Variants in PTPDC1 observed in about 807,000 individuals in gnomAD.
The protein encoded by PTPDC1 is protein tyrosine phosphatase domain-containing protein 1.
PTPDC1 carries 53 observed loss-of-function variants against 75.3 expected under a neutral mutation model. The ratio of observed to expected loss-of-function variants is 0.70; its 90% CI spans 0.56 to 0.88. PTPDC1 has a LOEUF of 0.88. Ranked by LOEUF, PTPDC1 falls within the 40% of genes least tolerant of loss-of-function variation. The pLI, the probability that PTPDC1 is intolerant of heterozygous loss-of-function variation, is 0.00. For synonymous variants in PTPDC1, 349 were observed against 366.2 expected, an observed-to-expected ratio of 0.95 and a Z score of 0.54; for missense variants, 925 against 998.6, an observed-to-expected ratio of 0.93 and a Z score of 0.99.
At chr9:94,100,236 G>A (rs1417251389) in intron 6 of PTPDC1, 1 of 152,324 alleles carries the variant, frequency 6.6e-6, no homozygotes, top group Admixed American at 6.5e-5. Flanking sequence ...CAGAGTCAGG[G>A]TACAGCACAT....
At chr9:94,083,439 A>G (rs1403547476), upstream of PTPDC1, among the ~76,000 whole-genome samples, 1 of 151,930 alleles carries the variant, frequency 6.6e-6, no homozygotes, top group African/African-American at 2.4e-5. Flanking sequence ...GGAGCTTGGT[A>G]TAGCATTAGT....
intron 2 of PTPDC1, among the ~76,000 whole-genome samples, chr9:94,074,824 A>G (rs1207374236): frequency 6.6e-6 from 1 of 152,160 alleles, no homozygotes; most frequent in African/African-American, 2.4e-5. Flanking sequence ...GTGGACGCCA[A>G]TTGAATGTGG....
At chr9:94,101,535 T>C in intron 6 of PTPDC1, 31 bp from the exon 7 acceptor site, 3 of 1,557,618 alleles carry the variant, frequency 1.9e-6, no homozygotes, top group East Asian at 2.2e-5. Context: ...TCTCTGTCTC[T>C]GTCTGTCTGT....
Position 94,088,217 on chromosome 9 carries a change from A to G in PTPDC1, c.570A>G (p.Gln190=). The change falls in exon 4 of 9, where the codon CAA becomes CAG. Residue 190 remains glutamine (Q), a synonymous_variant. Transcript: ENST00000620992. ...EHASCGNPLE[Q]ESGFTYLPEA... is the part of the protein sequence containing the mutation. ...CTAGCTGTGGGAACCCTCTGGAACAAGAAAGTGGCTTCACATACCTTCCTG... is the reference window on the plus strand; with the variant it reads ...CTAGCTGTGGGAACCCTCTGGAACAGGAAAGTGGCTTCACATACCTTCCTG... 1 of 1,614,002 alleles carries G rather than the reference A, an allele frequency of 6.2e-7. No homozygotes were observed. Among genetic ancestry groups the G allele is most frequent in the Non-Finnish European group, 8.5e-7 (1 of 1,179,960 alleles).
chr9:94,075,592 T>C (rs1458045153), intron 2 of PTPDC1, among the ~76,000 whole-genome samples: 1 of 152,138 alleles, frequency 6.6e-6, no homozygotes, highest in Non-Finnish European at 1.5e-5. Context: ...CTGGAGGCAA[T>C]AAAGAATCCC....
At chr9:94,086,166 G>A (rs1025543242) in intron 2 of PTPDC1, among the ~76,000 whole-genome samples, 1 of 152,126 alleles carries the variant, frequency 6.6e-6, no homozygotes, top group African/African-American at 2.4e-5. Flanking sequence ...CTTACAACCT[G>A]TACTTTTTCA....
intron 4 of PTPDC1, among the ~76,000 whole-genome samples, chr9:94,094,159 A>G (rs1251925238): frequency 3.3e-5 from 5 of 151,978 alleles, no homozygotes; most frequent in Non-Finnish European, 4.4e-5. Context: ...GAGGTGCTCT[A>G]CTTTTTAGAG....
chr9:94,095,531 A>T, intron 5 of PTPDC1, 77 bp downstream of exon 5: 1 of 1,219,606 alleles, frequency 8.2e-7, no homozygotes, highest in Admixed American at 2.2e-5. Context: ...ATTTGAGGGT[A>T]AATGTTTCTC....
exon 1 of PTPDC1, chr9:94,030,827 G>A (rs1399637020): frequency 1.3e-5 from 2 of 152,266 alleles, no homozygotes; most frequent in East Asian, 3.9e-4. Flanking sequence ...CCGGGGACGC[G>A]GCCTCAGCAG....
intron 1 of PTPDC1, among the ~76,000 whole-genome samples, chr9:94,047,115 G>C (rs892432298): frequency 3.2e-4 from 49 of 152,250 alleles, no homozygotes; most frequent in Admixed American, 7.8e-4. Flanking sequence ...TGTGGTTTTT[G>C]TCTTTGGTTC....
intron 1 of PTPDC1, among the ~76,000 whole-genome samples, chr9:94,050,760 G>A (rs542540107): frequency 2.0e-5 from 3 of 152,200 alleles, no homozygotes. Flanking sequence ...GGATATTTAA[G>A]TCTGCAGAGG....
intron 8 of PTPDC1, among the ~76,000 whole-genome samples, chr9:94,105,754 G>C (rs145340318): frequency 0.025 from 3,725 of 148,100 alleles, 149 homozygotes; most frequent in African/African-American, 0.088. Context: ...AGATCACGAG[G>C]TCAGGAGATC....
intron 1 of PTPDC1, among the ~76,000 whole-genome samples, chr9:94,055,842 ACT>A (rs1179533128): frequency 1.3e-5 from 2 of 152,254 alleles, no homozygotes; most frequent in Admixed American, 1.3e-4. Flanking sequence ...CAGTGAAATC[ACT>A]CTGCATGATA....
intron 7 of PTPDC1, among the ~76,000 whole-genome samples, chr9:94,103,482 T>A (rs1168577946): frequency 6.6e-6 from 1 of 152,206 alleles, no homozygotes; most frequent in Non-Finnish European, 1.5e-5. Context: ...GGCTGCCTGT[T>A]TTATCCTAAT....
chr9:94,099,928 C>G (rs1827776780), intron 6 of PTPDC1, among the ~76,000 whole-genome samples: 1 of 152,106 alleles, frequency 6.6e-6, no homozygotes, highest in African/African-American at 2.4e-5. Flanking sequence ...GCATTTTTTT[C>G]CATTCTAGAT....
chr9:94,094,728 G>T (rs1441189863), intron 4 of PTPDC1, among the ~76,000 whole-genome samples: 1 of 152,358 alleles, frequency 6.6e-6, no homozygotes, highest in East Asian at 1.9e-4. Flanking sequence ...CAATCAGCGA[G>T]ACTCCGTGGG....
Position 94,108,162 on chromosome 9 carries a change from T to C in PTPDC1, c.*218T>C. The C allele has an allele frequency of 3.2e-6, 1 of 314,808 alleles. No homozygotes were observed. The highest frequency in any genetic ancestry group is 5.2e-5 in the East Asian group (1 of 19,398). 19.5% of individuals were successfully genotyped at this position (314,808 alleles called of 1,614,324 possible). On this transcript the variant is annotated 3_prime_UTR_variant, in exon 9 of 9. Coordinates refer to ENST00000620992, the MANE Select transcript of PTPDC1 (RefSeq NM_001253829.2). ...TTTTGAAAAATTGCCATAAATTTGGTGCCACTTTCTTTTATTTATTTGACT... is the reference window on the plus strand; with the variant it reads ...TTTTGAAAAATTGCCATAAATTTGGCGCCACTTTCTTTTATTTATTTGACT...
intron 1 of PTPDC1, among the ~76,000 whole-genome samples, chr9:94,041,460 C>T (rs945552881): frequency 6.6e-6 from 1 of 152,128 alleles, no homozygotes; most frequent in Non-Finnish European, 1.5e-5. Flanking sequence ...TAGCCTACAC[C>T]TTCTAAATTC....
intron 8 of PTPDC1, among the ~76,000 whole-genome samples, chr9:94,105,248 C>A (rs1827973740): frequency 6.6e-6 from 1 of 152,214 alleles, no homozygotes; most frequent in African/African-American, 2.4e-5. Flanking sequence ...TCTTTTCAAT[C>A]TGTTCTCCAC....
Sources: allele counts gnomAD v4.1 joint callset (sites outside exome capture counted in the v4.1 genomes callset), GRCh38; gene constraint gnomAD v4.1.1; transcripts MANE v1.5; gene names NCBI Gene and HGNC (gene_info 2026-07-23, HGNC 2026-07-21).